The following ATP11A variants were observed in gnomAD, a reference collection of about 807,000 sequenced individuals.
ATP11A encodes phospholipid-transporting ATPase IH.
In ATP11A, 81 loss-of-function variants were observed where a neutral mutation model predicts 154.4. The observed-to-expected ratio is 0.52, with a 90% CI of 0.44 to 0.63. ATP11A has a LOEUF of 0.63. Ranked by LOEUF, ATP11A falls within the 30% of genes least tolerant of loss-of-function variation. The pLI is 0.00. For synonymous variants in ATP11A, 623 were observed against 585.9 expected, an observed-to-expected ratio of 1.06 and a Z score of -0.91; for missense variants, 1,316 against 1,474.3, an observed-to-expected ratio of 0.89 and a Z score of 1.76.
At chr13:112,880,391 C>T (rs1367004485) in intron 29 of ATP11A, 14 of 535,096 alleles carry the variant, frequency 2.6e-5, no homozygotes, top group Non-Finnish European at 3.4e-5. Flanking sequence ...GCCCCAAGCC[C>T]TCGCCCTGGC....
intron 5 of ATP11A, among the ~76,000 whole-genome samples, chr13:112,811,053 CTT>C (rs112079556): frequency 2.3e-4 from 32 of 139,508 alleles, no homozygotes; most frequent in African/African-American, 4.2e-4. Context: ...CTCCCTACTT[CTT>C]TTTTTTTTTT....
At chr13:112,770,988 C>T (rs192822550) in intron 1 of ATP11A, among the ~76,000 whole-genome samples, 9 of 152,294 alleles carry the variant, frequency 5.9e-5, no homozygotes, top group East Asian at 3.9e-4. Flanking sequence ...TGAGGCCGGT[C>T]GGCTTGCTTC....
At chr13:112,842,672 T>C (rs2079456434) in intron 17 of ATP11A, among the ~76,000 whole-genome samples, 1 of 152,250 alleles carries the variant, frequency 6.6e-6, no homozygotes, top group South Asian at 2.1e-4. Flanking sequence ...ATTGATGTTT[T>C]GGGGAGTCAG....
intron 1 of ATP11A, among the ~76,000 whole-genome samples, chr13:112,748,070 A>G (rs934081374): frequency 6.6e-6 from 1 of 152,236 alleles, no homozygotes; most frequent in African/African-American, 2.4e-5. Context: ...AATATTGTAT[A>G]AAATTACCAT....
intron 27 of ATP11A, among the ~76,000 whole-genome samples, chr13:112,874,667 G>A (rs936707308): frequency 1.3e-5 from 2 of 152,146 alleles, no homozygotes; most frequent in African/African-American, 2.4e-5. Context: ...GAGTCCCTCC[G>A]GATTCTCTCG....
At chr13:112,819,731 T>C (rs1239699031) in intron 7 of ATP11A, among the ~76,000 whole-genome samples, 169 bp from the exon 8 acceptor site, 1 of 152,152 alleles carries the variant, frequency 6.6e-6, no homozygotes, top group Non-Finnish European at 1.5e-5. Flanking sequence ...CATGAGCTGA[T>C]CAGAACAGAA....
intron 1 of ATP11A, among the ~76,000 whole-genome samples, chr13:112,740,045 G>T (rs953680125): frequency 6.6e-6 from 1 of 151,906 alleles, no homozygotes; most frequent in African/African-American, 2.4e-5. Context: ...TTAGATGGTG[G>T]TGACGATTGT....
In ATP11A at chr13:112,883,187, G is replaced by A. The variant is rs527297229; in HGVS notation, c.*1321G>A. 19 of 398,344 alleles carry A rather than the reference G, an allele frequency of 4.8e-5. No homozygotes were observed. The highest frequency in any genetic ancestry group is 3.1e-4 in the Admixed American group (7 of 22,686). The allele number at this position is 398,344 out of a possible 1,614,324, so 24.7% of individuals were successfully genotyped here. Reference sequence around the variant, plus strand: ...CATACCCTCGTCCCCATGTCCCCACGCAGGGCTCTCCTTCGTCTTAGGATC... The same window carrying A: ...CATACCCTCGTCCCCATGTCCCCACACAGGGCTCTCCTTCGTCTTAGGATC... On this transcript the variant is annotated 3_prime_UTR_variant, in exon 30 of 30. Coordinates refer to ENST00000375645, the MANE Select transcript of ATP11A (RefSeq NM_015205.3).
intron 5 of ATP11A, among the ~76,000 whole-genome samples, chr13:112,815,881 C>T (rs73569017): frequency 0.011 from 1,678 of 152,276 alleles, 34 homozygotes; most frequent in African/African-American, 0.038. Context: ...GTTTTTGCTG[C>T]GGAAGTTAGA....
intron 12 of ATP11A, 60 bp downstream of exon 12, chr13:112,826,951 G>C (rs1438338282): frequency 6.4e-6 from 10 of 1,556,982 alleles, no homozygotes; most frequent in East Asian, 4.5e-5. Context: ...TCTGCTTCAC[G>C]TTCCTCAGGT....
intron 1 of ATP11A, among the ~76,000 whole-genome samples, chr13:112,711,844 T>C (rs1231647899): frequency 1.3e-5 from 2 of 152,166 alleles, no homozygotes; most frequent in African/African-American, 2.4e-5. Context: ...CTCCACGCCC[T>C]CTCCCAGCCT....
At chr13:112,770,633 C>T (rs905068789) in intron 1 of ATP11A, among the ~76,000 whole-genome samples, 2 of 152,156 alleles carry the variant, frequency 1.3e-5, no homozygotes, top group African/African-American at 4.8e-5. Context: ...GCGGTGGAAA[C>T]GTGGTCCACC....
intron 12 of ATP11A, among the ~76,000 whole-genome samples, chr13:112,827,328 C>T (rs2078959057): frequency 6.6e-6 from 1 of 152,242 alleles, no homozygotes; most frequent in African/African-American, 2.4e-5. Context: ...CCTGCTGCTG[C>T]ATGATGGCTG....
chr13:112,695,184 A>G (rs1433425018), intron 1 of ATP11A, among the ~76,000 whole-genome samples: 1 of 152,212 alleles, frequency 6.6e-6, no homozygotes, highest in Non-Finnish European at 1.5e-5. Flanking sequence ...ACACCACAGG[A>G]GCACTAAGTT....
At chr13:112,695,813 A>AT (rs1218336193) in intron 1 of ATP11A, among the ~76,000 whole-genome samples, 4 of 152,252 alleles carry the variant, frequency 2.6e-5, no homozygotes, top group Non-Finnish European at 5.9e-5. Context: ...TTAATAAAAG[A>AT]TTCTCAAGTC....
intron 25 of ATP11A, among the ~76,000 whole-genome samples, chr13:112,871,414 C>T (rs1316452799): frequency 6.6e-6 from 1 of 152,126 alleles, no homozygotes; most frequent in Non-Finnish European, 1.5e-5. Context: ...GACCTTGGGA[C>T]GTCTGTTGTG....
intron 1 of ATP11A, among the ~76,000 whole-genome samples, chr13:112,776,291 C>T (rs2077347410): frequency 6.6e-6 from 1 of 152,204 alleles, no homozygotes. Context: ...ATCCCAGACC[C>T]TCCTTCCATC....
chr13:112,875,663 A>C lies in ATP11A; in HGVS notation c.3162-113A>C. On this transcript the variant is annotated intron_variant, in intron 27 of 29. Coordinates refer to ENST00000375645, the MANE Select transcript of ATP11A (RefSeq NM_015205.3). This position sits in a 1 kb window ranked among gnomAD's most constrained non-coding sequence, Gnocchi z 4.1. ...AGCAGGCTCCGTGGCTTGCCAAGCA[A>C]CTCTCACTGACAAAAGTGTAAACTC... The C allele has an allele frequency of 1.6e-6, 2 of 1,230,336 alleles. No individual in the cohort carries two copies. Among genetic ancestry groups the C allele is most frequent in the Non-Finnish European group, 2.2e-6 (2 of 890,094 alleles). 76.2% of individuals were successfully genotyped at this position (1,230,336 alleles called of 1,614,324 possible). A position where few individuals can be genotyped will look rare whatever the true frequency, so the allele number is the denominator to read the frequency against.
chr13:112,758,923 A>C (rs1385999108), intron 1 of ATP11A, among the ~76,000 whole-genome samples: 1 of 152,260 alleles, frequency 6.6e-6, no homozygotes, highest in African/African-American at 2.4e-5. Flanking sequence ...TTTAGAACGT[A>C]CAGTTTTGTA....
Sources: allele counts gnomAD v4.1 joint callset (sites outside exome capture counted in the v4.1 genomes callset), GRCh38; gene constraint gnomAD v4.1.1; non-coding constraint Gnocchi (gnomAD v3.1); transcripts MANE v1.5; gene names NCBI Gene and HGNC (gene_info 2026-07-23, HGNC 2026-07-21).